FSTL5: variants seen among roughly 807,000 people sequenced by gnomAD.
FSTL5 encodes the protein follistatin like 5.
Under a neutral mutation model 89.1 loss-of-function variants are expected in FSTL5, and 62 were observed. The observed-to-expected ratio is 0.70, with a 90% confidence interval of 0.57 to 0.86. The LOEUF is 0.86. Ranked by LOEUF, FSTL5 falls within the 40% of genes least tolerant of loss-of-function variation. The pLI is 0.00. For synonymous variants in FSTL5, 383 were observed against 346.2 expected (o/e 1.11, Z -1.18); for missense variants, 1,057 against 1,001.6 (o/e 1.06, Z -0.75).
At chr4:162,122,694 G>A (rs937759025) in intron 1 of FSTL5, among the ~76,000 whole-genome samples, 1 of 151,970 alleles carries the variant, frequency 6.6e-6, no homozygotes, top group African/African-American at 2.4e-5. Flanking sequence ...CTCAAAGTAG[G>A]TAGCAAATGG....
At chr4:161,562,078 G>C (rs1041671679) in intron 8 of FSTL5, among the ~76,000 whole-genome samples, 4 of 151,986 alleles carry the variant, frequency 2.6e-5, no homozygotes, top group African/African-American at 9.7e-5. Context: ...TGGGTACTAA[G>C]CCAATCTCAT....
intron 3 of FSTL5, among the ~76,000 whole-genome samples, chr4:161,931,536 A>G (rs181445324): frequency 1.3e-5 from 2 of 152,090 alleles, no homozygotes; most frequent in East Asian, 3.9e-4. Context: ...TTCTTGTACA[A>G]TAATAACAAT....
At chr4:161,884,604 A>C (rs1440593) in intron 4 of FSTL5, among the ~76,000 whole-genome samples, 125,167 of 152,096 alleles carry the variant, frequency 0.82, 52,392 homozygotes, top group Non-Finnish European at 0.9. Context: ...TTGAAACTAA[A>C]ATTTGGGTTT....
At chr4:161,915,734 T>G (rs1441535570) in intron 4 of FSTL5, among the ~76,000 whole-genome samples, 1 of 152,126 alleles carries the variant, frequency 6.6e-6, no homozygotes, top group African/African-American at 2.4e-5. Context: ...TATTTCATCA[T>G]CAACATGCAG....
Position 161,671,665 on chromosome 4 carries a change from T to A in FSTL5, c.728-15171A>T, listed in dbSNP as rs1309437432. Among the ~76,000 whole-genome samples the A allele has an allele frequency of 3.9e-5, 6 of 152,054 alleles. No individual in the cohort carries two copies. In the East Asian group the frequency reaches 1.2e-3, roughly 29 times the overall value. On this transcript the variant is annotated intron_variant, in intron 6 of 15. Coordinates refer to ENST00000306100, the MANE Select transcript of FSTL5 (RefSeq NM_020116.5). ...TTGCTCTCATTTAGATATGAGTGAG[T>A]TCATAAACTACTCCACCACTTAAAA...
chr4:161,626,896 T>C (rs1735334346), intron 7 of FSTL5, among the ~76,000 whole-genome samples: 1 of 152,114 alleles, frequency 6.6e-6, no homozygotes, highest in African/African-American at 2.4e-5. Context: ...GAATGAGAAG[T>C]GGAGCCTGAA....
chr4:162,034,353 C>T (rs1203000206), intron 2 of FSTL5, among the ~76,000 whole-genome samples: 1 of 152,048 alleles, frequency 6.6e-6, no homozygotes, highest in Non-Finnish European at 1.5e-5. Context: ...AGTTTAGGCA[C>T]AAACATCGGG....
intron 7 of FSTL5, among the ~76,000 whole-genome samples, chr4:161,632,195 A>G (rs191546078): frequency 1.3e-5 from 2 of 152,260 alleles, no homozygotes; most frequent in Non-Finnish European, 2.9e-5. Flanking sequence ...CCTGACCAAC[A>G]TGGTGAAACC....
At chr4:161,521,860 AAAAAG>A (rs1374772935) in intron 10 of FSTL5, among the ~76,000 whole-genome samples, 62 of 128,814 alleles carry the variant, frequency 4.8e-4, no homozygotes, top group Middle Eastern at 4.3e-3. Context: ...AAAAAAAAAA[AAAAAG>A]AAAAAAAAAG....
intron 7 of FSTL5, among the ~76,000 whole-genome samples, chr4:161,620,189 T>TG (rs1244378588): frequency 1.2e-5 from 1 of 81,692 alleles, no homozygotes; most frequent in East Asian, 4.1e-4. Flanking sequence ...GGGACTGTTG[T>TG]GGGGTGGGGG....
intron 6 of FSTL5, among the ~76,000 whole-genome samples, chr4:161,732,109 C>A (rs1739631803): frequency 6.6e-6 from 1 of 151,988 alleles, no homozygotes; most frequent in Non-Finnish European, 1.5e-5. Context: ...TTTTCCAAAG[C>A]AGTTATTCCA....
intron 4 of FSTL5, among the ~76,000 whole-genome samples, chr4:161,787,908 A>G (rs1741960474): frequency 6.6e-6 from 1 of 152,170 alleles, no homozygotes; most frequent in South Asian, 2.1e-4. Context: ...CCTTTTCTCA[A>G]GTCACTTTTG....
chr4:161,759,533 TA>T lies in FSTL5; in HGVS notation c.607-3del. 1 of 1,524,918 alleles carries T rather than the reference TA, an allele frequency of 6.6e-7. No individual in the cohort carries two copies. The highest frequency in any genetic ancestry group is 8.8e-7 in the Non-Finnish European group (1 of 1,131,100). 94.5% of individuals were successfully genotyped at this position (1,524,918 alleles called of 1,614,324 possible). A position where few individuals can be genotyped will look rare whatever the true frequency, so the allele number is the denominator to read the frequency against. On this transcript the variant is annotated splice_region_variant and splice_polypyrimidine_tract_variant and intron_variant, in intron 5 of 15. Transcript: ENST00000306100. ...GCCAAGTTCTTCCTGTTTTATCACC[TA>T]ACAAGAAAATTATAAACCATACCTT... is the stretch of plus-strand genomic sequence containing the variant.
At chr4:162,009,169 G>A (rs568022474) in intron 3 of FSTL5, among the ~76,000 whole-genome samples, 8 of 152,070 alleles carry the variant, frequency 5.3e-5, no homozygotes, top group South Asian at 2.1e-4. Context: ...CCACCTTTTA[G>A]GATAAAGTGG....
chr4:161,728,434 T>C (rs1157116959), intron 6 of FSTL5, among the ~76,000 whole-genome samples: 1 of 152,114 alleles, frequency 6.6e-6, no homozygotes, highest in Non-Finnish European at 1.5e-5. Flanking sequence ...GTGCAAAGAT[T>C]TGGGCCTGGA....
chr4:161,911,347 G>T (rs942527691), intron 4 of FSTL5, among the ~76,000 whole-genome samples: 2 of 151,824 alleles, frequency 1.3e-5, no homozygotes, highest in Admixed American at 1.3e-4. Flanking sequence ...CCTGATTATG[G>T]TTCAATATTG....
intron 1 of FSTL5, among the ~76,000 whole-genome samples, chr4:162,124,123 A>G (rs1395863838): frequency 6.6e-6 from 1 of 152,214 alleles, no homozygotes; most frequent in East Asian, 1.9e-4. Flanking sequence ...TTAACAGATA[A>G]TAAAGACAAT....
intron 10 of FSTL5, among the ~76,000 whole-genome samples, chr4:161,531,849 A>G (rs1475747166): frequency 1.3e-5 from 2 of 152,158 alleles, no homozygotes; most frequent in Admixed American, 1.3e-4. Context: ...ATTTGTAGCA[A>G]TTATTGGGTT....
chr4:161,835,967 G>C (rs1731025032), intron 4 of FSTL5, among the ~76,000 whole-genome samples: 1 of 151,934 alleles, frequency 6.6e-6, no homozygotes. Context: ...TATACCCAAA[G>C]GACTATAAAT....
Sources: allele counts gnomAD v4.1 joint callset (sites outside exome capture counted in the v4.1 genomes callset), GRCh38; gene constraint gnomAD v4.1.1; transcripts MANE v1.5; gene names NCBI Gene and HGNC (gene_info 2026-07-23, HGNC 2026-07-21).